The following ATP2B2 variants were observed in gnomAD, a reference collection of about 807,000 sequenced individuals.
The protein encoded by ATP2B2 is ATPase plasma membrane Ca2+ transporting 2.
In ATP2B2, 15 loss-of-function variants were observed where a neutral mutation model predicts 120.0. The observed-to-expected ratio is 0.12, with a 90% CI of 0.08 to 0.19. ATP2B2 has a LOEUF of 0.19. ATP2B2 is among the 10% of genes least tolerant of loss of function. The pLI, the probability that ATP2B2 is intolerant of heterozygous loss-of-function variation, is 1.00. For synonymous variants in ATP2B2, 694 were observed against 700.3 expected, an observed-to-expected ratio of 0.99 and a Z score of 0.14; for missense variants, 1,045 against 1,719.8, an observed-to-expected ratio of 0.61 and a Z score of 6.94.
At chr3:10,444,427 T>C (rs970178290) in intron 2 of ATP2B2, among the ~76,000 whole-genome samples, 4 of 152,182 alleles carry the variant, frequency 2.6e-5, no homozygotes, top group South Asian at 2.1e-4. Context: ...TTCAATATCA[T>C]ATTCACGTGC....
intron 2 of ATP2B2, among the ~76,000 whole-genome samples, chr3:10,562,982 G>A (rs2067935815): frequency 6.6e-6 from 1 of 152,028 alleles, no homozygotes; most frequent in Non-Finnish European, 1.5e-5. Context: ...ACCTTCTTAT[G>A]GTTCCATCCT....
chr3:10,613,111 G>A (rs1368568328), intron 2 of ATP2B2, among the ~76,000 whole-genome samples: 1 of 152,170 alleles, frequency 6.6e-6, no homozygotes, highest in African/African-American at 2.4e-5. Flanking sequence ...TATGTGATGA[G>A]GCTCTAATAA....
At chr3:10,475,611 G>T (rs763895559) in intron 1 of ATP2B2, among the ~76,000 whole-genome samples, 1 of 152,144 alleles carries the variant, frequency 6.6e-6, no homozygotes, top group Non-Finnish European at 1.5e-5. Flanking sequence ...TGTGATGAGG[G>T]ATCACTACAC....
At chr3:10,688,104 CA>C (rs2071567738) in intron 1 of ATP2B2, among the ~76,000 whole-genome samples, 2 of 152,178 alleles carry the variant, frequency 1.3e-5, no homozygotes, top group Middle Eastern at 3.4e-3. Flanking sequence ...TTCCATTTTC[CA>C]GGTGAGAAAA....
chr3:10,413,591 T>C (rs2062686111), intron 2 of ATP2B2, among the ~76,000 whole-genome samples: 1 of 152,180 alleles, frequency 6.6e-6, no homozygotes, highest in Admixed American at 6.5e-5. Context: ...CTTCCTCCAC[T>C]GTTCTGTGCT....
rs181690714 is a variant in ATP2B2, at chr3:10,572,629, C to G, written c.-414-38496G>C. 8.7e-4 allele frequency among the ~76,000 whole-genome samples: 133 copies of G among 152,220 alleles called. 1 individual carries two copies. The highest frequency in any genetic ancestry group is 7.7e-3 in the Admixed American group (118 of 15,290). On this transcript the variant is annotated intron_variant, in intron 2 of 21. Coordinates refer to the ATP2B2 transcript ENST00000646379. ...GGGGTGTGTGGTGAAACTACATACT[C>G]CAACTACACTACATGGAATGATAGA... is the stretch of plus-strand genomic sequence containing the variant.
intron 1 of ATP2B2, chr3:10,707,900 C>G (rs2071923068): frequency 6.6e-6 from 1 of 152,472 alleles, no homozygotes; most frequent in Non-Finnish European, 1.5e-5. Context: ...CCGGGCCCGG[C>G]CGCCCCTGCC....
chr3:10,329,114 C>T lies in ATP2B2; in HGVS notation c.3432G>A (p.Val1144=). ...CATAGAGAGAGCTACGGAACGCCTTCACGACGCGGATCTGCAAGGGAAGCA... is the reference window on the plus strand; with the variant it reads ...CATAGAGAGAGCTACGGAACGCCTTTACGACGCGGATCTGCAAGGGAAGCA... ...LNRIQTQIRV[V]KAFRSSLYEG... is the part of the protein sequence containing the mutation. Residue 1144 remains valine (V), a synonymous_variant, in exon 23 of 23, where the codon GTG becomes GTA. Transcript: ENST00000360273. The surrounding 1 kb of genome is among the most constrained non-coding windows in gnomAD (Gnocchi z 5.9). 6.2e-7 allele frequency: 1 copy of T among 1,613,256 alleles called. No individual in the cohort carries two copies. Among genetic ancestry groups the T allele is most frequent in the Non-Finnish European group, 8.5e-7 (1 of 1,179,938 alleles).
chr3:10,504,020 T>C (rs11917169), intron 1 of ATP2B2, among the ~76,000 whole-genome samples: 4,391 of 152,312 alleles, frequency 0.029, 196 homozygotes, highest in African/African-American at 0.1. Context: ...ATATATGATT[T>C]GGACATATAT....
chr3:10,549,791 C>G (rs544099197), intron 2 of ATP2B2, among the ~76,000 whole-genome samples: 1 of 152,264 alleles, frequency 6.6e-6, no homozygotes, highest in South Asian at 2.1e-4. Flanking sequence ...CTGCAGGGAG[C>G]TCTCGGAGTC....
intron 1 of ATP2B2, among the ~76,000 whole-genome samples, chr3:10,691,932 A>G (rs913773598): frequency 5.9e-5 from 9 of 152,206 alleles, no homozygotes; most frequent in African/African-American, 2.2e-4. Context: ...TCGTCTTCCA[A>G]TACTGCGATG....
intron 5 of ATP2B2, among the ~76,000 whole-genome samples, chr3:10,393,298 G>A: frequency 6.6e-6 from 1 of 152,258 alleles, no homozygotes; most frequent in East Asian, 1.9e-4. Flanking sequence ...AGGTGCCTGA[G>A]TGGAGGGTGA....
chr3:10,358,591 C>G, intron 14 of ATP2B2, 100 bp downstream of exon 14: 1 of 1,149,564 alleles, frequency 8.7e-7, no homozygotes, highest in Non-Finnish European at 1.3e-6. Flanking sequence ...TATGTGGAAA[C>G]TGAGACTCAA....
intron 2 of ATP2B2, among the ~76,000 whole-genome samples, chr3:10,574,987 G>A (rs919280717): frequency 5.3e-5 from 8 of 152,142 alleles, no homozygotes; most frequent in African/African-American, 1.9e-4. Flanking sequence ...GTGTCTCAGG[G>A]CCTGCCGGGC....
intron 2 of ATP2B2, among the ~76,000 whole-genome samples, chr3:10,614,377 A>G (rs527289889): frequency 6.6e-6 from 1 of 152,180 alleles, no homozygotes; most frequent in East Asian, 1.9e-4. Context: ...ATAAGGATTT[A>G]TTTACACAGA....
chr3:10,634,795 C>T (rs2069975890), intron 1 of ATP2B2, among the ~76,000 whole-genome samples: 1 of 152,204 alleles, frequency 6.6e-6, no homozygotes, highest in Non-Finnish European at 1.5e-5. Context: ...AAGGAGCTCC[C>T]CTGTGAGCCT....
At chr3:10,467,475 A>G (rs1334919533) in intron 1 of ATP2B2, among the ~76,000 whole-genome samples, 1 of 152,190 alleles carries the variant, frequency 6.6e-6, no homozygotes, top group African/African-American at 2.4e-5. Flanking sequence ...TTAGGGTCCA[A>G]CCATTTTTGA....
chr3:10,675,655 C>A (rs977198974), intron 1 of ATP2B2, among the ~76,000 whole-genome samples: 2 of 152,180 alleles, frequency 1.3e-5, no homozygotes, highest in African/African-American at 4.8e-5. Context: ...GCCAACATTG[C>A]CCTGCTCACA....
chr3:10,625,515 G>A (rs553801476), intron 1 of ATP2B2, among the ~76,000 whole-genome samples: 6 of 152,294 alleles, frequency 3.9e-5, no homozygotes, highest in East Asian at 3.9e-4. Context: ...AGGATTTGAC[G>A]CAGATACTCC....
Sources: allele counts gnomAD v4.1 joint callset (sites outside exome capture counted in the v4.1 genomes callset), GRCh38; gene constraint gnomAD v4.1.1; non-coding constraint Gnocchi (gnomAD v3.1); transcripts MANE v1.5; gene names NCBI Gene and HGNC (gene_info 2026-07-23, HGNC 2026-07-21).